TBC1D4: variants seen among roughly 807,000 people sequenced by gnomAD.
TBC1D4 encodes TBC (Tre-2, BUB2, CDC16) domain-containing protein.
In TBC1D4, 121 loss-of-function variants were observed where a neutral mutation model predicts 142.5. That is an observed-to-expected ratio of 0.85 (90% confidence interval 0.73 to 0.99). The LOEUF (loss-of-function observed/expected upper bound fraction) is 0.99. Among genes scored for constraint, TBC1D4 ranks in the 50% least tolerant of loss-of-function variants. The probability of loss-of-function intolerance (pLI) is 0.00; values close to 1 mark genes in which losing one functional copy is unlikely to be tolerated. For missense variants in TBC1D4, 1,475 were observed against 1,606.6 expected (o/e 0.92, Z 1.40); for synonymous variants, 630 against 628.2 (o/e 1.00, Z -0.04).
intron 1 of TBC1D4, among the ~76,000 whole-genome samples, chr13:75,409,792 A>G (rs1885523368): frequency 6.6e-6 from 1 of 152,366 alleles, no homozygotes; most frequent in Non-Finnish European, 1.5e-5. Flanking sequence ...AATTTCAATT[A>G]ATAAATTTAG....
intron 1 of TBC1D4, among the ~76,000 whole-genome samples, chr13:75,371,853 A>C (rs569160053): frequency 4.9e-4 from 74 of 152,208 alleles, no homozygotes; most frequent in Non-Finnish European, 1.0e-3. Context: ...GTTTGAAAAA[A>C]GTTTGCATGT....
intron 1 of TBC1D4, among the ~76,000 whole-genome samples, chr13:75,478,903 C>T (rs1036512883): frequency 6.6e-6 from 1 of 152,222 alleles, no homozygotes; most frequent in Non-Finnish European, 1.5e-5. Context: ...GCTCATGGAT[C>T]TCTAAAGCCA....
At chr13:75,299,663 T>C in intron 16 of TBC1D4, 89 bp from the exon 17 acceptor site, 1 of 1,477,814 alleles carries the variant, frequency 6.8e-7, no homozygotes, top group African/African-American at 1.4e-5. Context: ...CCTCCAAGAA[T>C]AAACAGACAC....
At chr13:75,407,990 G>C (rs1190130014) in intron 1 of TBC1D4, among the ~76,000 whole-genome samples, 1 of 152,094 alleles carries the variant, frequency 6.6e-6, no homozygotes. Flanking sequence ...ACATACCATA[G>C]ATTCACCTTT....
In TBC1D4 at chr13:75,324,234, C is replaced by G; in HGVS notation, c.2198+3G>C. ...CTTTGCAAACAGAGGACACTGATCT[C>G]ACCTGATTTCATTTTCATACTGTGG... On this transcript the variant is annotated splice_donor_region_variant and intron_variant, in intron 11 of 20. Transcript: ENST00000377636. 1 of 1,613,758 alleles carries G rather than the reference C, an allele frequency of 6.2e-7. No individual in the cohort carries two copies. The highest frequency in any genetic ancestry group is 8.5e-7 in the Non-Finnish European group (1 of 1,179,712).
intron 17 of TBC1D4, among the ~76,000 whole-genome samples, chr13:75,298,879 T>C (rs2137873439): frequency 6.6e-6 from 1 of 152,290 alleles, no homozygotes; most frequent in African/African-American, 2.4e-5. Flanking sequence ...CAATGATAAG[T>C]TCAAAAAGAA....
chr13:75,464,724 T>A (rs1264812560), intron 1 of TBC1D4, among the ~76,000 whole-genome samples: 1 of 152,214 alleles, frequency 6.6e-6, no homozygotes, highest in African/African-American at 2.4e-5. Context: ...TGAGACACAT[T>A]TCCTGGAACC....
rs771075494 is a variant in TBC1D4, at chr13:75,326,470, GGCAGACCTGCCAAAAC to G, written c.1807-63_1807-48del. 10 of 1,593,820 alleles carry G rather than the reference GGCAGACCTGCCAAAAC, an allele frequency of 6.3e-6. No individual in the cohort carries two copies. The African/African-American group carries it at 1.1e-4, about 17-fold the overall frequency. On this transcript the variant is annotated intron_variant, in intron 9 of 20. Transcript: ENST00000377636. Reference sequence around the variant, plus strand: ...GCCCTTTATTTCCCACGTGGGTCATGGCAGACCTGCCAAAACACAGAGCTCAAAAGTGACAGTGTGC... The same window carrying G: ...GCCCTTTATTTCCCACGTGGGTCATGACAGAGCTCAAAAGTGACAGTGTGC...
chr13:75,396,451 G>C (rs1884799399), intron 1 of TBC1D4, among the ~76,000 whole-genome samples: 2 of 152,146 alleles, frequency 1.3e-5, no homozygotes, highest in Admixed American at 6.5e-5. Flanking sequence ...CAGGGAAAAA[G>C]TAAAGAGATT....
At chr13:75,306,108 C>T (rs1026748363) in intron 15 of TBC1D4, among the ~76,000 whole-genome samples, 1 of 152,114 alleles carries the variant, frequency 6.6e-6, no homozygotes, top group Non-Finnish European at 1.5e-5. Flanking sequence ...TAAACACCAC[C>T]ACCATGCTGA....
At chr13:75,473,998 TAA>T (rs1888525429) in intron 1 of TBC1D4, among the ~76,000 whole-genome samples, 1 of 152,194 alleles carries the variant, frequency 6.6e-6, no homozygotes, top group African/African-American at 2.4e-5. Context: ...CCGCCATACT[TAA>T]AGACACTAAA....
At chr13:75,355,456 C>T (rs999446984) in intron 4 of TBC1D4, among the ~76,000 whole-genome samples, 4 of 152,150 alleles carry the variant, frequency 2.6e-5, no homozygotes, top group Admixed American at 1.3e-4. Context: ...ACTCCAATTA[C>T]CTTGAACTCT....
intron 1 of TBC1D4, among the ~76,000 whole-genome samples, chr13:75,427,037 C>T (rs1425700743): frequency 6.6e-6 from 1 of 151,978 alleles, no homozygotes; most frequent in Non-Finnish European, 1.5e-5. Context: ...CGACAAGAGA[C>T]TGTCTCAGAA....
At position 75,295,032 on chromosome 13, in the gene TBC1D4, A is replaced by G. The variant is rs1875760746; in HGVS notation, c.3157-19T>C. On this transcript the variant is annotated intron_variant, in intron 17 of 20. Transcript: ENST00000377636. Reference sequence around the variant, plus strand: ...TTTGAATCTAAAGTTAATTTGGAGAAGAAAAAAAATATTATGCATTTATCT... The same window carrying G: ...TTTGAATCTAAAGTTAATTTGGAGAGGAAAAAAAATATTATGCATTTATCT... 3 of 1,612,680 alleles carry G rather than the reference A, an allele frequency of 1.9e-6. No individual in the cohort carries two copies. The African/African-American group carries it at 4.0e-5, about 22-fold the overall frequency.
chr13:75,312,424 A>AAAAAAAAAAAAGAAAGAGAGAGAGAAAG (rs1555301657), intron 13 of TBC1D4, among the ~76,000 whole-genome samples: 1 of 136,002 alleles, frequency 7.4e-6, no homozygotes, highest in African/African-American at 3.2e-5. Flanking sequence ...GGGAAAAAAA[A>AAAAAAAAAAAAGAAAGAGAGAGAGAAAG]AAAGAAAGAA....
At position 75,389,083 on chromosome 13, in the gene TBC1D4, T is replaced by C. The variant is rs1024935386; in HGVS notation, c.499-26476A>G. Among the ~76,000 whole-genome samples the C allele has an allele frequency of 3.2e-4, 48 of 152,272 alleles. 1 individual carries two copies. Among genetic ancestry groups the C allele is most frequent in the South Asian group, 4.1e-4 (2 of 4,834 alleles). The stretch of plus-strand genomic sequence containing the variant: ...ACATGCTTGGCGCATAAGTGCTCAC[T>C]AAAATAGTAGCTATTGCTGCCCATC... On this transcript the variant is annotated intron_variant, in intron 1 of 20. Coordinates refer to ENST00000377636, the MANE Select transcript of TBC1D4 (RefSeq NM_014832.5).
rs1338385517 is a variant in TBC1D4, at chr13:75,284,665, ACG to A, written c.*2125_*2126del. On this transcript the variant is annotated 3_prime_UTR_variant, in exon 21 of 21. Coordinates refer to ENST00000377636, the MANE Select transcript of TBC1D4 (RefSeq NM_014832.5). ...CTTCTCTCCCGAAAAGTAACAGTAT[ACG>A]TCAAGAAAGCTGCAGCAATATATTT... 6.6e-6 allele frequency: 1 copy of A among 152,240 alleles called. No homozygotes were observed. The highest frequency in any genetic ancestry group is 1.5e-5 in the Non-Finnish European group (1 of 68,046). The allele number at this position is 152,240 out of a possible 1,614,324, so 9.4% of individuals were successfully genotyped here. A position where few individuals can be genotyped will look rare whatever the true frequency, so the allele number is the denominator to read the frequency against.
At chr13:75,306,572 A>C in intron 14 of TBC1D4, 101 bp from the exon 15 acceptor site, 1 of 1,403,902 alleles carries the variant, frequency 7.1e-7, no homozygotes, top group East Asian at 2.3e-5. Flanking sequence ...GACTTTCAGG[A>C]ATCAACTGGT....
chr13:75,364,648 G>A (rs1041806264), intron 1 of TBC1D4, among the ~76,000 whole-genome samples: 10 of 152,230 alleles, frequency 6.6e-5, no homozygotes, highest in Non-Finnish European at 1.3e-4. Context: ...ACACTCAACC[G>A]TGCAAACCTG....
Sources: gnomAD v4.1 joint callset for allele counts (sites outside exome capture counted in the v4.1 genomes callset) on GRCh38, gnomAD v4.1.1 for gene constraint, MANE v1.5 for transcripts, NCBI Gene and HGNC (gene_info 2026-07-23, HGNC 2026-07-21) for gene names.